CACHD1: variants seen among roughly 807,000 people sequenced by gnomAD.
CACHD1 encodes VWFA and cache domain-containing protein 1.
CACHD1 carries 71 observed loss-of-function variants against 138.7 expected under a neutral mutation model. The observed-to-expected ratio is 0.51, with a 90% confidence interval of 0.42 to 0.62. The LOEUF is 0.62. CACHD1 is among the 20% of genes least tolerant of loss of function. CACHD1 has a pLI of 0.00. For synonymous variants in CACHD1, 578 were observed against 591.5 expected, an observed-to-expected ratio of 0.98 and a Z score of 0.33; for missense variants, 1,389 against 1,625.3, an observed-to-expected ratio of 0.85 and a Z score of 2.50.
At chr1:64,501,503 G>T (rs919077266) in intron 1 of CACHD1, among the ~76,000 whole-genome samples, 7 of 152,104 alleles carry the variant, frequency 4.6e-5, no homozygotes, top group Admixed American at 4.6e-4. Flanking sequence ...GCCTTTTTGT[G>T]TTGATGCCTT....
rs1247493270 is a variant in CACHD1 at position 64,566,488 on chromosome 1, C to CCCCG, written c.262-15666_262-15665insCGCC. Among the ~76,000 whole-genome samples, 20 of 144,580 alleles carry CCCCG rather than the reference C, an allele frequency of 1.4e-4. 2 individuals are homozygous for CCCCG. Among genetic ancestry groups the CCCCG allele is most frequent in the South Asian group, 9.5e-4 (4 of 4,232 alleles). 94.9% of individuals were successfully genotyped at this position (144,580 alleles called of 152,430 possible). On this transcript the variant is annotated intron_variant, in intron 2 of 26. Transcript: ENST00000651257. Reference sequence around the variant, plus strand: ...ACTGTATGTTTTCAATTCCCCCCCCCCCACAAGGTATGGGGGAAGTACTGC... The same window carrying CCCCG: ...ACTGTATGTTTTCAATTCCCCCCCCCCCCGCCACAAGGTATGGGGGAAGTACTGC...
chr1:64,523,162 C>T (rs1646511021), intron 1 of CACHD1, among the ~76,000 whole-genome samples: 2 of 152,252 alleles, frequency 1.3e-5, no homozygotes, highest in South Asian at 4.1e-4. Context: ...GAGTCCTTAT[C>T]TTTCAGAGTT....
intron 1 of CACHD1, among the ~76,000 whole-genome samples, chr1:64,500,717 T>TAAAAAA (rs72436564): frequency 2.9e-5 from 1 of 33,972 alleles, no homozygotes; most frequent in African/African-American, 5.3e-5. Context: ...CCTTGTCTCT[T>TAAAAAA]AAAAAAAAAA....
chr1:64,584,641 G>A (rs1647036864), intron 3 of CACHD1, among the ~76,000 whole-genome samples: 2 of 152,028 alleles, frequency 1.3e-5, no homozygotes, highest in African/African-American at 4.8e-5. Flanking sequence ...ATATAGTGTA[G>A]AACTTAATGT....
intron 3 of CACHD1, among the ~76,000 whole-genome samples, chr1:64,600,898 T>A (rs573210725): frequency 6.6e-6 from 1 of 152,308 alleles, no homozygotes; most frequent in South Asian, 2.1e-4. Flanking sequence ...TAGCCACTCT[T>A]CAGTGACTAT....
intron 1 of CACHD1, among the ~76,000 whole-genome samples, chr1:64,474,290 G>T (rs1272502292): frequency 6.6e-6 from 1 of 152,126 alleles, no homozygotes; most frequent in Non-Finnish European, 1.5e-5. Context: ...CCAGGGAGAC[G>T]GGTTTTTGCC....
At chr1:64,651,034 C>T (rs1439277441) in intron 9 of CACHD1, among the ~76,000 whole-genome samples, 1 of 152,088 alleles carries the variant, frequency 6.6e-6, no homozygotes, top group Non-Finnish European at 1.5e-5. Flanking sequence ...TGCATTGACC[C>T]ACCTCTCTTT....
At chr1:64,684,983 A>G (rs1435610508) in intron 26 of CACHD1, among the ~76,000 whole-genome samples, 1 of 151,944 alleles carries the variant, frequency 6.6e-6, no homozygotes, top group Non-Finnish European at 1.5e-5. Flanking sequence ...CTAATTTTGT[A>G]TTTTTGGAAG....
chr1:64,672,887 G>A (rs1237199109), intron 17 of CACHD1, among the ~76,000 whole-genome samples: 1 of 152,032 alleles, frequency 6.6e-6, no homozygotes, highest in Non-Finnish European at 1.5e-5. Context: ...ACTCGGACTG[G>A]GTGAGCGCAT....
chr1:64,664,560 G>A lies in CACHD1; in HGVS notation c.2157G>A (p.Met719Ile), dbSNP rs1171872090. 1 of 1,614,166 alleles carries A rather than the reference G, an allele frequency of 6.2e-7. No individual in the cohort carries two copies. The highest frequency in any genetic ancestry group is 1.7e-5 in the Admixed American group (1 of 60,028). The change falls in exon 15 of 27, where the codon ATG (methionine) becomes ATA (isoleucine). Residue 719 changes from methionine to isoleucine, a missense_variant. Met to Ile is a conservative substitution (Grantham distance 10). This residue lies in a region of CACHD1 where 1,000 missense variants were observed against 1,114.7 expected (regional missense o/e 0.90). Coordinates refer to ENST00000651257, the MANE Select transcript of CACHD1 (RefSeq NM_020925.4). The stretch of plus-strand genomic sequence containing the variant: ...TCACAGATGAATGGATGACACAAAT[G>A]GAAATGAGTAGCCTGAACACTTACA... ...SHVTDEWMTQ[M>I]EMSSLNTYIV...
At chr1:64,664,312 C>T (rs555901633) in intron 14 of CACHD1, 186 bp from the exon 15 acceptor site, 37 of 605,264 alleles carry the variant, frequency 6.1e-5, no homozygotes, top group East Asian at 4.7e-4. Context: ...CACGCATCTG[C>T]TGACTGTATT....
intron 1 of CACHD1, among the ~76,000 whole-genome samples, chr1:64,537,222 A>G (rs917279201): frequency 6.6e-6 from 1 of 151,678 alleles, no homozygotes; most frequent in Non-Finnish European, 1.5e-5. Context: ...TTAGCCGATG[A>G]TTGCGTTTTC....
At chr1:64,472,849 C>T (rs1646153448) in intron 1 of CACHD1, among the ~76,000 whole-genome samples, 1 of 151,588 alleles carries the variant, frequency 6.6e-6, no homozygotes, top group South Asian at 2.1e-4. Flanking sequence ...CTTAGGATTC[C>T]CCCCTATCCC....
intron 16 of CACHD1, among the ~76,000 whole-genome samples, chr1:64,667,791 C>T (rs1649684814): frequency 6.6e-6 from 1 of 152,144 alleles, no homozygotes; most frequent in Non-Finnish European, 1.5e-5. Flanking sequence ...CATTAGGTGA[C>T]CCAACTGACT....
At chr1:64,476,256 T>C (rs1374824325) in intron 1 of CACHD1, among the ~76,000 whole-genome samples, 1 of 152,206 alleles carries the variant, frequency 6.6e-6, no homozygotes, top group African/African-American at 2.4e-5. Flanking sequence ...CCTGTGCCCC[T>C]TCATATGGCT....
chr1:64,623,722 G>C (rs1647997483), intron 4 of CACHD1, among the ~76,000 whole-genome samples: 1 of 152,140 alleles, frequency 6.6e-6, no homozygotes, highest in South Asian at 2.1e-4. Flanking sequence ...CTTCTAGCTT[G>C]GGGATGCACT....
intron 8 of CACHD1, among the ~76,000 whole-genome samples, chr1:64,647,569 C>T (rs1245584493): frequency 3.3e-5 from 5 of 152,138 alleles, no homozygotes; most frequent in Non-Finnish European, 7.4e-5. Context: ...TTTTCATTAT[C>T]GCCCTGTGAA....
chr1:64,552,696 C>A (rs916205998), intron 2 of CACHD1, among the ~76,000 whole-genome samples: 3 of 152,114 alleles, frequency 2.0e-5, no homozygotes, highest in African/African-American at 7.2e-5. Context: ...CCAGGCTGGT[C>A]TCAAACTCCT....
In CACHD1 at chr1:64,587,410, AGGCTAT is replaced by A. The variant is rs1647058645; in HGVS notation, c.410+5107_410+5112del. Among the ~76,000 whole-genome samples, 20 of 152,318 alleles carry A rather than the reference AGGCTAT, an allele frequency of 1.3e-4. No individual in the cohort carries two copies. The South Asian group carries it at 3.9e-3, about 30-fold the overall frequency. The stretch of plus-strand genomic sequence containing the variant: ...TTAAAGACCTTTGTTACAGAGCATT[AGGCTAT>A]AGTATGACGACAACAGAGAGAACCT... On this transcript the variant is annotated intron_variant, in intron 3 of 26. Coordinates refer to ENST00000651257, the MANE Select transcript of CACHD1 (RefSeq NM_020925.4).
Sources: allele counts gnomAD v4.1 joint callset (sites outside exome capture counted in the v4.1 genomes callset), GRCh38; gene constraint gnomAD v4.1.1; regional missense constraint gnomAD v4.1.1; transcripts MANE v1.5; gene names NCBI Gene and HGNC (gene_info 2026-07-23, HGNC 2026-07-21).